Variants in MAGI2 observed in about 807,000 individuals in gnomAD.
MAGI2 encodes membrane-associated guanylate kinase, WW and PDZ domain-containing protein 2.
A neutral mutation model predicts 133.3 loss-of-function variants in MAGI2; 35 were observed. That is an observed-to-expected ratio of 0.26 (90% CI 0.20 to 0.35). The LOEUF is 0.35. MAGI2 is among the 10% of genes least tolerant of loss of function. The pLI, the probability that MAGI2 is intolerant of heterozygous loss-of-function variation, is 1.00. For synonymous variants in MAGI2, 729 were observed against 710.6 expected, an observed-to-expected ratio of 1.03 and a Z score of -0.41; for missense variants, 1,636 against 1,863.4, an observed-to-expected ratio of 0.88 and a Z score of 2.25.
At chr7:79,011,989 T>C (rs564713993) in intron 1 of MAGI2, 1 of 151,486 alleles carries the variant, frequency 6.6e-6, no homozygotes. Flanking sequence ...CTTTTTCTTG[T>C]TTTTTATTGA....
chr7:79,383,631 G>T (rs895393079), intron 1 of MAGI2, among the ~76,000 whole-genome samples: 7 of 151,282 alleles, frequency 4.6e-5, no homozygotes, highest in African/African-American at 1.4e-4. Context: ...ATTAATATTA[G>T]AATCATATTT....
rs1798054103 is a variant in MAGI2 at position 78,537,424 on chromosome 7, T to G, written c.539-15779A>C. Among the ~76,000 whole-genome samples, 3 of 152,206 alleles carry G rather than the reference T, an allele frequency of 2.0e-5. No homozygotes were observed. The South Asian group carries it at 6.2e-4, about 32-fold the overall frequency. On this transcript the variant is annotated intron_variant, in intron 3 of 21. Coordinates refer to ENST00000354212, the MANE Select transcript of MAGI2 (RefSeq NM_012301.4). Reference sequence around the variant, plus strand: ...TTAGTTCTTTAAGAAATCTCCATACTGTTTTCCATAGAGGTTTTACTAGTT... The same window carrying G: ...TTAGTTCTTTAAGAAATCTCCATACGGTTTTCCATAGAGGTTTTACTAGTT...
At chr7:79,348,367 C>G (rs848933) in intron 1 of MAGI2, among the ~76,000 whole-genome samples, 3 of 151,754 alleles carry the variant, frequency 2.0e-5, no homozygotes, top group African/African-American at 7.2e-5. Flanking sequence ...AAGGGGAGAC[C>G]ATTTAATGTG....
intron 6 of MAGI2, among the ~76,000 whole-genome samples, chr7:78,428,275 A>G (rs1799474165): frequency 6.6e-6 from 1 of 152,174 alleles, no homozygotes; most frequent in African/African-American, 2.4e-5. Context: ...TCCTTAAAGT[A>G]TATATGCTTC....
chr7:78,105,024 A>G (rs1039197910), intron 20 of MAGI2, among the ~76,000 whole-genome samples: 2 of 152,150 alleles, frequency 1.3e-5, no homozygotes, highest in Admixed American at 6.5e-5. Context: ...AATTCTGTTT[A>G]TCATTCCTTT....
At chr7:79,178,512 G>C (rs1046847684) in intron 1 of MAGI2, among the ~76,000 whole-genome samples, 2 of 151,710 alleles carry the variant, frequency 1.3e-5, no homozygotes, top group African/African-American at 4.9e-5. Flanking sequence ...AGGAGTTCGA[G>C]ACCAGCCTGA....
At chr7:78,893,066 A>G (rs911601573) in intron 2 of MAGI2, among the ~76,000 whole-genome samples, 5 of 152,086 alleles carry the variant, frequency 3.3e-5, no homozygotes, top group Admixed American at 2.0e-4. Context: ...AAAAGTGGGC[A>G]AAGGATATGA....
chr7:78,596,602 C>CTTCCTAATTAATTAGGTCCT (rs752018288), intron 3 of MAGI2, among the ~76,000 whole-genome samples: 32 of 152,152 alleles, frequency 2.1e-4, no homozygotes, highest in Non-Finnish European at 4.3e-4. Flanking sequence ...TAATTAGGTC[C>CTTCCTAATTAATTAGGTCCT]ACCATGGTAG....
chr7:79,108,532 T>G (rs1818633512), intron 1 of MAGI2, among the ~76,000 whole-genome samples: 1 of 152,226 alleles, frequency 6.6e-6, no homozygotes, highest in African/African-American at 2.4e-5. Context: ...TTCTCAATCC[T>G]GATTGTGATT....
chr7:78,396,155 T>C (rs956295601), intron 6 of MAGI2, among the ~76,000 whole-genome samples: 2 of 152,096 alleles, frequency 1.3e-5, no homozygotes, highest in Non-Finnish European at 2.9e-5. Context: ...TTAAGATAAA[T>C]TTTCAGATCA....
chr7:79,223,877 A>T (rs893811350), intron 1 of MAGI2, among the ~76,000 whole-genome samples: 12 of 152,044 alleles, frequency 7.9e-5, no homozygotes, highest in African/African-American at 2.9e-4. Context: ...ATTATTGGGC[A>T]TCAGTGCCAG....
intron 7 of MAGI2, chr7:78,348,392 C>A (rs1791138235): frequency 2.0e-5 from 3 of 152,092 alleles, no homozygotes. Context: ...CAGGGAGAAC[C>A]CAACAATGAA....
At chr7:78,387,941 T>C (rs1393058108) in intron 6 of MAGI2, among the ~76,000 whole-genome samples, 5 of 39,036 alleles carry the variant, frequency 1.3e-4, no homozygotes, top group African/African-American at 4.2e-4. Flanking sequence ...AATAAATAAA[T>C]AAATAAATAA....
At chr7:78,235,800 G>T in intron 10 of MAGI2, among the ~76,000 whole-genome samples, 1 of 152,110 alleles carries the variant, frequency 6.6e-6, no homozygotes, top group East Asian at 1.9e-4. Flanking sequence ...TAAAATAGAC[G>T]ATTGTAACTA....
chr7:79,452,853 C>T lies in MAGI2; in HGVS notation c.301+167G>A, dbSNP rs932105436. ...CCTGCCCCTCCCCTCCCTTTAGCCC[C>T]CAAGTCGAATCCCCGGCGAAACTCA... On this transcript the variant is annotated intron_variant, in intron 1 of 21. Coordinates refer to ENST00000354212, the MANE Select transcript of MAGI2 (RefSeq NM_012301.4). 5 of 699,760 alleles carry T rather than the reference C, an allele frequency of 7.1e-6. No homozygotes were observed. In the Admixed American group the frequency reaches 9.3e-5, roughly 13 times the overall value. The allele number at this position is 699,760 out of a possible 1,614,324, so 43.3% of individuals were successfully genotyped here.
At chr7:79,077,470 G>A (rs536179489) in intron 1 of MAGI2, among the ~76,000 whole-genome samples, 1 of 151,092 alleles carries the variant, frequency 6.6e-6, no homozygotes, top group African/African-American at 2.4e-5. Context: ...AGCTACTCAG[G>A]AGGCGGAGGC....
In MAGI2 at chr7:79,367,875, A is replaced by ATATATATG. The variant is rs1342246318; in HGVS notation, c.301+85144_301+85145insCATATATA. 2.5e-4 allele frequency among the ~76,000 whole-genome samples: 30 copies of ATATATATG among 122,118 alleles called. 2 individuals are homozygous for ATATATATG. The highest frequency in any genetic ancestry group is 8.4e-4 in the Admixed American group (10 of 11,864). The allele number at this position is 122,118 out of a possible 152,430, so 80.1% of individuals were successfully genotyped here. ...ATATGTGACATATATATATATATATATGTCATTGACTGGTCAGTCTTCTTC... is the reference window on the plus strand; with the variant it reads ...ATATGTGACATATATATATATATATATATATATGTGTCATTGACTGGTCAGTCTTCTTC... On this transcript the variant is annotated intron_variant, in intron 1 of 21. Coordinates refer to ENST00000354212, the MANE Select transcript of MAGI2 (RefSeq NM_012301.4).
chr7:78,377,494 G>A (rs1363483300), intron 6 of MAGI2, among the ~76,000 whole-genome samples: 1 of 151,734 alleles, frequency 6.6e-6, no homozygotes, highest in Non-Finnish European at 1.5e-5. Flanking sequence ...AACATTCTTG[G>A]GAAGGCCCAG....
intron 1 of MAGI2, among the ~76,000 whole-genome samples, chr7:79,291,607 C>A (rs559088856): frequency 6.6e-6 from 1 of 152,064 alleles, no homozygotes. Flanking sequence ...TACAGACATC[C>A]AAATGAGCAT....
Sources: gnomAD v4.1 joint callset for allele counts (sites outside exome capture counted in the v4.1 genomes callset) on GRCh38, gnomAD v4.1.1 for gene constraint, MANE v1.5 for transcripts, NCBI Gene and HGNC (gene_info 2026-07-23, HGNC 2026-07-21) for gene names.